Variants in WWTR1 observed in about 807,000 individuals in gnomAD.
WWTR1 encodes WW domain-containing transcription regulator protein 1.
A neutral mutation model predicts 40.1 loss-of-function variants in WWTR1; 13 were observed. The observed-to-expected ratio is 0.32, with a 90% CI of 0.21 to 0.52. WWTR1 has a LOEUF of 0.52. WWTR1 is among the 20% of genes least tolerant of loss of function. WWTR1 has a pLI of 0.97. For missense variants in WWTR1, 436 were observed against 523.1 expected (o/e 0.83, Z 1.63); for synonymous variants, 230 against 210.1 (o/e 1.09, Z -0.82).
At chr3:149,588,551 A>T (rs1738543787) in intron 2 of WWTR1, among the ~76,000 whole-genome samples, 1 of 152,236 alleles carries the variant, frequency 6.6e-6, no homozygotes, top group Non-Finnish European at 1.5e-5. Context: ...CAGACATGAT[A>T]AATTACATGG....
chr3:149,584,101 T>G (rs1381480914), intron 2 of WWTR1, among the ~76,000 whole-genome samples: 6 of 152,196 alleles, frequency 3.9e-5, no homozygotes, highest in African/African-American at 1.4e-4. Flanking sequence ...AACATGTTGT[T>G]TTTTCCAGTT....
intron 3 of WWTR1, among the ~76,000 whole-genome samples, chr3:149,568,281 G>A (rs2107988850): frequency 6.8e-6 from 1 of 146,902 alleles, no homozygotes; most frequent in African/African-American, 2.7e-5. Context: ...AGCTACTCCA[G>A]AGGCTGAGGC....
intron 3 of WWTR1, among the ~76,000 whole-genome samples, chr3:149,548,742 G>A (rs1293169250): frequency 2.6e-5 from 4 of 152,154 alleles, no homozygotes; most frequent in South Asian, 2.1e-4. Context: ...GCTAGTATGC[G>A]TTTCTTGTTG....
intron 3 of WWTR1, among the ~76,000 whole-genome samples, chr3:149,563,532 A>G (rs1451355682): frequency 2.6e-5 from 4 of 152,164 alleles, no homozygotes; most frequent in Non-Finnish European, 2.9e-5. Context: ...CACTTACCCA[A>G]TGCTCATGTG....
At chr3:149,676,151 A>G (rs1645513837) in intron 1 of WWTR1, among the ~76,000 whole-genome samples, 2 of 152,180 alleles carry the variant, frequency 1.3e-5, no homozygotes, top group South Asian at 4.1e-4. Flanking sequence ...ATCACAAATT[A>G]CCATCTGCTT....
intron 5 of WWTR1, among the ~76,000 whole-genome samples, chr3:149,526,658 T>A (rs1735330640): frequency 1.3e-5 from 2 of 152,240 alleles, no homozygotes. Flanking sequence ...AGTGGGTACA[T>A]GGGTAATTCA....
intron 3 of WWTR1, among the ~76,000 whole-genome samples, chr3:149,562,066 G>A (rs890319789): frequency 7.2e-5 from 11 of 152,084 alleles, no homozygotes; most frequent in Non-Finnish European, 1.5e-4. Context: ...GGGCCGAGGC[G>A]GGCGGATCAC....
At chr3:149,550,588 T>G (rs957516139) in intron 3 of WWTR1, among the ~76,000 whole-genome samples, 17 of 152,188 alleles carry the variant, frequency 1.1e-4, no homozygotes, top group Non-Finnish European at 7.3e-5. Context: ...CTTAGCTCTT[T>G]AAAATTAATT....
chr3:149,704,300 A>G (rs1036425334), upstream of WWTR1, among the ~76,000 whole-genome samples: 2 of 152,240 alleles, frequency 1.3e-5, no homozygotes, highest in African/African-American at 2.4e-5. Flanking sequence ...AAAATAGGAT[A>G]CTTTGCATAT....
chr3:149,587,565 G>A (rs1278408220), intron 2 of WWTR1, among the ~76,000 whole-genome samples: 1 of 152,150 alleles, frequency 6.6e-6, no homozygotes, highest in Admixed American at 6.5e-5. Flanking sequence ...ACTGTGCCTT[G>A]TATTTAATTG....
At chr3:149,620,570 C>CCA (rs555750880) in intron 2 of WWTR1, among the ~76,000 whole-genome samples, 2,658 of 150,568 alleles carry the variant, frequency 0.018, 81 homozygotes, top group African/African-American at 0.057. Context: ...CCGCTCCCCC[C>CCA]CACACACACA....
At chr3:149,579,258 G>A (rs1738032299) in intron 2 of WWTR1, among the ~76,000 whole-genome samples, 1 of 152,170 alleles carries the variant, frequency 6.6e-6, no homozygotes, top group South Asian at 2.1e-4. Flanking sequence ...AGAGTGGTTA[G>A]GACGGGACCT....
rs35573546 is a variant in WWTR1 at position 149,723,185 on chromosome 3, CT to C, written n.459+894del. 1.1e-3 allele frequency among the ~76,000 whole-genome samples: 108 copies of C among 101,832 alleles called. 1 individual carries two copies. Among genetic ancestry groups the C allele is most frequent in the South Asian group, 8.7e-3 (27 of 3,092 alleles). The allele number at this position is 101,832 out of a possible 152,430, so 66.8% of individuals were successfully genotyped here. A position where few individuals can be genotyped will look rare whatever the true frequency, so the allele number is the denominator to read the frequency against. ...TGGTTTGCTGGTTTTCTTTTCTTTT[CT>C]TTTTTTTTTTTTTTTTTTTGAGACA... is the stretch of plus-strand genomic sequence containing the variant. On this transcript the variant is annotated intron_variant and non_coding_transcript_variant, in intron 4 of 6. Coordinates refer to the WWTR1 transcript ENST00000474080.
intron 1 of WWTR1, among the ~76,000 whole-genome samples, chr3:149,686,536 T>A (rs1247106686): frequency 6.6e-6 from 1 of 152,096 alleles, no homozygotes; most frequent in Non-Finnish European, 1.5e-5. Flanking sequence ...ACCATCTCTC[T>A]CTATATATAT....
At chr3:149,621,063 C>T (rs986850399) in intron 2 of WWTR1, among the ~76,000 whole-genome samples, 18 of 152,158 alleles carry the variant, frequency 1.2e-4, no homozygotes, top group Admixed American at 2.6e-4. Flanking sequence ...AATGTGCTGC[C>T]GTTCTTACTT....
intron 2 of WWTR1, among the ~76,000 whole-genome samples, chr3:149,577,631 C>T (rs1737948599): frequency 6.6e-6 from 1 of 152,158 alleles, no homozygotes; most frequent in Non-Finnish European, 1.5e-5. Flanking sequence ...CACCACGTCT[C>T]TGAGAAGATA....
upstream of WWTR1, among the ~76,000 whole-genome samples, chr3:149,703,778 A>T (rs1576647254): frequency 6.6e-6 from 1 of 152,070 alleles, no homozygotes; most frequent in East Asian, 1.9e-4. Context: ...GCAATTCCTC[A>T]CTGTCTCTTT....
Position 149,657,286 on chromosome 3 carries a change from G to A in WWTR1, c.21C>T (p.Pro7=). 2 of 1,612,190 alleles carry A rather than the reference G, an allele frequency of 1.2e-6. No homozygotes were observed. Among genetic ancestry groups the A allele is most frequent in the Non-Finnish European group, 1.7e-6 (2 of 1,179,166 alleles). The change falls in exon 2 of 7, where the codon CCC becomes CCT. Residue 7 remains proline, a synonymous_variant. Transcript: ENST00000360632. ...GCTGCCCAGGCGGCGGGAGCGGAGG[G>A]GGCGCCGAGGCCGGATTCATCTTCT... MNPASA[P]PPLPPPGQQV... is the part of the protein sequence containing the mutation.
intron 6 of WWTR1, among the ~76,000 whole-genome samples, chr3:149,524,006 T>C (rs719073): frequency 0.94 from 143,138 of 152,326 alleles, 67,297 homozygotes; most frequent in East Asian, 1. Context: ...CCATTGTATG[T>C]ATGACATCAG....
Sources: allele counts gnomAD v4.1 joint callset (sites outside exome capture counted in the v4.1 genomes callset), GRCh38; gene constraint gnomAD v4.1.1; transcripts MANE v1.5; gene names NCBI Gene and HGNC (gene_info 2026-07-23, HGNC 2026-07-21).